XPNPEP2: variants seen among roughly 807,000 people sequenced by gnomAD.
XPNPEP2 encodes X-prolyl aminopeptidase 2, also known as xaa-Pro aminopeptidase 2.
In XPNPEP2, 64 loss-of-function variants were observed where a neutral mutation model predicts 59.8. The ratio of observed to expected loss-of-function variants is 1.07; its 90% CI spans 0.87 to 1.32. The LOEUF is 1.32. Among genes scored for constraint, XPNPEP2 ranks in the 40% most tolerant of loss-of-function variants. XPNPEP2 has a pLI of 0.00. For missense variants in XPNPEP2, 575 were observed against 546.8 expected (o/e 1.05, Z -0.51); for synonymous variants, 235 against 210.0 (o/e 1.12, Z -1.03).
Position 129,750,455 on chromosome X carries a change from C to T in XPNPEP2, c.638-13C>T, listed in dbSNP as rs763876477. On this transcript the variant is annotated splice_polypyrimidine_tract_variant and intron_variant, in intron 7 of 20. Transcript: ENST00000371106. ...CTGTCACTTACACTTTTTTGGGGCT[C>T]CTTTGCTTCTAGGGAGCACTTGGCA... The T allele has an allele frequency of 3.1e-5, 36 of 1,177,236 alleles. No individual in the cohort carries two copies. Among genetic ancestry groups the T allele is most frequent in the South Asian group, 3.8e-5 (2 of 52,781 alleles).
In XPNPEP2 at chrX:129,745,255, C is replaced by A. The variant is rs1236170429; in HGVS notation, c.287C>A (p.Thr96Lys). Reference protein sequence around the residue: ...DERRAWITGFTGSAGTAVVTM... With the variant: ...DERRAWITGFKGSAGTAVVTM... Reference sequence around the variant, plus strand: ...AGGCGTGCGTGGATTACAGGCTTTACAGGGTCTGCAGGTGACAATCATTAC... The same window carrying A: ...AGGCGTGCGTGGATTACAGGCTTTAAAGGGTCTGCAGGTGACAATCATTAC... Residue 96 changes from threonine (T) to lysine (K), a missense_variant, in exon 4 of 21, where the codon ACA becomes AAA. Transcript: ENST00000371106. 1 of 1,209,755 alleles carries A rather than the reference C, an allele frequency of 8.3e-7. No homozygotes were observed. Among genetic ancestry groups the A allele is most frequent in the African/African-American group, 1.8e-5 (1 of 57,041 alleles).
chrX:129,741,416 C>G (rs1421004000), intron 1 of XPNPEP2, among the ~76,000 whole-genome samples: 2 of 112,398 alleles, frequency 1.8e-5, no homozygotes, highest in Non-Finnish European at 3.8e-5. Flanking sequence ...CTATCTGGGC[C>G]TTGACTTCCT....
chrX:129,756,430 C>T lies in XPNPEP2; in HGVS notation c.1296-54C>T, dbSNP rs377401287. 1.6e-3 allele frequency: 1,910 copies of T among 1,167,099 alleles called. 4 individuals are homozygous for T. Among genetic ancestry groups the T allele is most frequent in the Non-Finnish European group, 1.3e-3 (1,078 of 856,180 alleles). Reference sequence around the variant, plus strand: ...GAGGTCCTCCCACCAAGGCCTCCCACGTGACCCAGTGCAGGGTTAGGCTGC... The same window carrying T: ...GAGGTCCTCCCACCAAGGCCTCCCATGTGACCCAGTGCAGGGTTAGGCTGC... On this transcript the variant is annotated intron_variant, in intron 13 of 20. Transcript: ENST00000371106.
intron 14 of XPNPEP2, 57 bp from the exon 15 acceptor site, chrX:129,759,123 A>C: frequency 8.4e-7 from 1 of 1,192,974 alleles, no homozygotes; most frequent in East Asian, 3.0e-5. Flanking sequence ...CACAGAAAGC[A>C]CATGGCCCCA....
Position 129,768,862 on chromosome X carries a change from T to G in XPNPEP2, c.*377T>G. On this transcript the variant is annotated 3_prime_UTR_variant, in exon 21 of 21. Coordinates refer to ENST00000371106, the MANE Select transcript of XPNPEP2 (RefSeq NM_003399.6). ...CAAAACCCCAAGAGAGCAATGCCCC[T>G]ACCACCCAAGGGTGCCATGGTCCCG... 1 of 127,318 alleles carries G rather than the reference T, an allele frequency of 7.9e-6. No individual in the cohort carries two copies. The highest frequency in any genetic ancestry group is 1.6e-5 in the Non-Finnish European group (1 of 62,889). 10.5% of individuals were successfully genotyped at this position (127,318 alleles called of 1,213,427 possible). A position where few individuals can be genotyped will look rare whatever the true frequency, so the allele number is the denominator to read the frequency against.
In XPNPEP2 at chrX:129,740,866, C is replaced by T. The variant is rs1389157924; in HGVS notation, c.50-1242C>T. 7.8e-5 allele frequency among the ~76,000 whole-genome samples: 8 copies of T among 103,109 alleles called. No homozygotes were observed. In the East Asian group the frequency reaches 9.9e-4, roughly 13 times the overall value. The allele number at this position is 103,109 out of a possible 115,157, so 89.5% of individuals were successfully genotyped here. On this transcript the variant is annotated intron_variant, in intron 1 of 20. Coordinates refer to ENST00000371106, the MANE Select transcript of XPNPEP2 (RefSeq NM_003399.6). ...CTGAGGCAGGAGAATCGCTTGAACC[C>T]GGGAGGCGGAGGTTGCAGTGAGCTG...
At chrX:129,744,646 T>C (rs1486119156) in intron 3 of XPNPEP2, among the ~76,000 whole-genome samples, 2 of 112,345 alleles carry the variant, frequency 1.8e-5, no homozygotes, top group Non-Finnish European at 3.8e-5. Flanking sequence ...TTTTCCCACA[T>C]GCTGGGAAGG....
chrX:129,758,175 CTT>C (rs1926591102), intron 14 of XPNPEP2, among the ~76,000 whole-genome samples: 1 of 111,682 alleles, frequency 9.0e-6, no homozygotes, highest in Non-Finnish European at 1.9e-5. Context: ...AGGCTCTTTG[CTT>C]GTTCTTAGCA....
chrX:129,759,479 A>G (rs774336355), intron 15 of XPNPEP2, among the ~76,000 whole-genome samples: 1 of 112,812 alleles, frequency 8.9e-6, no homozygotes, highest in East Asian at 2.8e-4. Context: ...AAATCAGTGC[A>G]CAAATATTTT....
intron 12 of XPNPEP2, among the ~76,000 whole-genome samples, 200 bp downstream of exon 12, chrX:129,754,781 TC>T (rs1482587696): frequency 9.1e-6 from 1 of 110,382 alleles, no homozygotes; most frequent in Non-Finnish European, 1.9e-5. Flanking sequence ...GGATGATATT[TC>T]CCGCCCCGCT....
At chrX:129,742,023 G>A (rs1449017414) in intron 1 of XPNPEP2, 85 bp from the exon 2 acceptor site, 13 of 923,879 alleles carry the variant, frequency 1.4e-5, no homozygotes, top group South Asian at 8.8e-5. Flanking sequence ...TGGAGGCCCC[G>A]TGGGGCGGGC....
chrX:129,758,865 C>G (rs1926604576), intron 14 of XPNPEP2, among the ~76,000 whole-genome samples: 1 of 111,861 alleles, frequency 8.9e-6, no homozygotes, highest in African/African-American at 3.3e-5. Flanking sequence ...CTGGAAGAAG[C>G]CTTGCTTTCA....
intron 15 of XPNPEP2, 31 bp from the exon 16 acceptor site, chrX:129,760,481 C>T (rs1206508120): frequency 1.7e-6 from 2 of 1,199,222 alleles, no homozygotes; most frequent in East Asian, 3.0e-5. Context: ...CTCCTCCCGT[C>T]CTCCATATCA....
At chrX:129,748,013 G>A (rs1926332035) in intron 7 of XPNPEP2, 1 of 415,590 alleles carries the variant, frequency 2.4e-6, no homozygotes, top group African/African-American at 2.5e-5. Flanking sequence ...ACAAGATGGA[G>A]CAGGAAGGGA....
intron 2 of XPNPEP2, 26 bp downstream of exon 2, chrX:129,742,207 C>T (rs778444047): frequency 3.4e-4 from 301 of 890,419 alleles, no homozygotes; most frequent in African/African-American, 5.0e-4. Flanking sequence ...CCCCCGCGCA[C>T]GGCCCCCCTG....
Position 129,767,601 on chromosome X carries a change from A to G in XPNPEP2, c.1741-2A>G, listed in dbSNP as rs1340964443. 2.5e-6 allele frequency: 3 copies of G among 1,209,475 alleles called. No individual in the cohort carries two copies. The East Asian group carries it at 8.9e-5, about 36-fold the overall frequency. On this transcript the variant is annotated splice_acceptor_variant, in intron 19 of 20. Transcript: ENST00000371106. LOFTEE classifies it high-confidence loss of function. ...TACCCGGCTTCTATTCTGGGCTCCC[A>G]GTACCCAGGGAGCTACCTGACCTTT...
chrX:129,749,803 T>C (rs1926359872), intron 7 of XPNPEP2, among the ~76,000 whole-genome samples: 1 of 113,027 alleles, frequency 8.8e-6, no homozygotes, highest in Non-Finnish European at 1.9e-5. Flanking sequence ...GCGTGGGCCA[T>C]GCAGTCAGAC....
At chrX:129,754,329 A>G (rs1443353277) in intron 11 of XPNPEP2, 143 bp from the exon 12 acceptor site, 1 of 494,163 alleles carries the variant, frequency 2.0e-6, no homozygotes, top group Non-Finnish European at 3.3e-6. Context: ...TATAAACACT[A>G]ACAAGAATTC....
chrX:129,757,923 GAAAGAAAGAAAGA>G (rs1926582258), intron 14 of XPNPEP2, among the ~76,000 whole-genome samples: 1 of 104,031 alleles, frequency 9.6e-6, no homozygotes, highest in Non-Finnish European at 2.0e-5. Context: ...AAGAAAGAAA[GAAAGAAAGAAAGA>G]AAGAAAGAAA....
Sources: gnomAD v4.1 joint callset for allele counts (sites outside exome capture counted in the v4.1 genomes callset) on GRCh38, gnomAD v4.1.1 for gene constraint, MANE v1.5 for transcripts, NCBI Gene and HGNC (gene_info 2026-07-23, HGNC 2026-07-21) for gene names.